Variants in SHISA9 observed in about 807,000 individuals in gnomAD.
The protein encoded by SHISA9 is protein shisa-9.
SHISA9 carries 13 observed loss-of-function variants against 38.0 expected under a neutral mutation model. That is an observed-to-expected ratio of 0.34 (90% CI 0.22 to 0.54). The LOEUF (loss-of-function observed/expected upper bound fraction) is 0.54. Among genes scored for constraint, SHISA9 ranks in the 20% least tolerant of loss-of-function variants. The pLI, the probability that SHISA9 is intolerant of heterozygous loss-of-function variation, is 0.91. For missense variants in SHISA9, 538 were observed against 575.8 expected, an observed-to-expected ratio of 0.93 and a Z score of 0.67; for synonymous variants, 275 against 242.0, an observed-to-expected ratio of 1.14 and a Z score of -1.27.
chr16:13,544,627 G>A, the SHISA9 span, among the ~76,000 whole-genome samples: 1 of 151,918 alleles, frequency 6.6e-6, no homozygotes, highest in Non-Finnish European at 1.5e-5. Flanking sequence ...ACCTTTTTAG[G>A]TGTGAGTTTG....
chr16:13,525,846 A>G, the SHISA9 span, among the ~76,000 whole-genome samples: 4 of 152,222 alleles, frequency 2.6e-5, no homozygotes, highest in Non-Finnish European at 5.9e-5. Context: ...GGAGATTTAG[A>G]TATTGCAAAG....
intron 2 of SHISA9, among the ~76,000 whole-genome samples, chr16:13,102,884 C>G (rs138390297): frequency 1.3e-5 from 2 of 152,208 alleles, no homozygotes; most frequent in Admixed American, 1.3e-4. Context: ...ATTGCTCACT[C>G]AACTTCCAGA....
At chr16:13,503,253 G>C in the SHISA9 span, among the ~76,000 whole-genome samples, 1 of 152,170 alleles carries the variant, frequency 6.6e-6, no homozygotes, top group Non-Finnish European at 1.5e-5. Flanking sequence ...CATGACACTA[G>C]TATAGCGATA....
At chr16:13,439,130 C>T in the SHISA9 span, among the ~76,000 whole-genome samples, 1 of 152,154 alleles carries the variant, frequency 6.6e-6, no homozygotes, top group Admixed American at 6.5e-5. Flanking sequence ...CTCATAGAAG[C>T]AGAGAGCTCA....
At chr16:13,232,897 A>C (rs2051345603) in intron 4 of SHISA9, among the ~76,000 whole-genome samples, 1 of 152,202 alleles carries the variant, frequency 6.6e-6, no homozygotes, top group East Asian at 1.9e-4. Flanking sequence ...AGACTTTTAA[A>C]AGGTGCTAGA....
At chr16:13,525,293 A>C in the SHISA9 span, among the ~76,000 whole-genome samples, 1 of 152,184 alleles carries the variant, frequency 6.6e-6, no homozygotes, top group East Asian at 1.9e-4. Context: ...GATAGTGTGA[A>C]TGAATCGGAT....
At chr16:13,544,436 T>TTTG in the SHISA9 span, among the ~76,000 whole-genome samples, 1 of 144,590 alleles carries the variant, frequency 6.9e-6, no homozygotes, top group Non-Finnish European at 1.5e-5. Flanking sequence ...CTTGTTTTTT[T>TTTG]TTTTTTTTTT....
intron 2 of SHISA9, among the ~76,000 whole-genome samples, chr16:12,973,277 A>T (rs921321545): frequency 2.0e-5 from 3 of 152,220 alleles, no homozygotes; most frequent in African/African-American, 7.2e-5. Flanking sequence ...TTCAAATGCT[A>T]ACAGGTTTCC....
chr16:13,001,242 T>G (rs1296373484), intron 2 of SHISA9, among the ~76,000 whole-genome samples: 1 of 152,212 alleles, frequency 6.6e-6, no homozygotes, highest in Non-Finnish European at 1.5e-5. Context: ...GACTTCTTTT[T>G]GAGATGCAAC....
At chr16:13,264,578 G>A in the SHISA9 span, among the ~76,000 whole-genome samples, 1 of 152,124 alleles carries the variant, frequency 6.6e-6, no homozygotes, top group Non-Finnish European at 1.5e-5. Flanking sequence ...CGCTTCAAAG[G>A]TTAACTTCTT....
At chr16:13,227,927 G>T (rs1406986854) in intron 4 of SHISA9, among the ~76,000 whole-genome samples, 1 of 152,186 alleles carries the variant, frequency 6.6e-6, no homozygotes, top group African/African-American at 2.4e-5. Flanking sequence ...TAGAGTAAGT[G>T]TTCAAACAAT....
rs56109043 is a variant in SHISA9, at chr16:13,106,966, T to TTCTC, written c.692-96394_692-96391dup. On this transcript the variant is annotated intron_variant, in intron 2 of 4. Transcript: ENST00000558583. ...ATCAATAAACTTGCTCTTTCTCACGTTCTCTCTCTCTCTCTCTCTCTCTCT... is the reference window on the plus strand; with the variant it reads ...ATCAATAAACTTGCTCTTTCTCACGTTCTCTCTCTCTCTCTCTCTCTCTCTCTCT... 2.2e-3 allele frequency among the ~76,000 whole-genome samples: 323 copies of TTCTC among 145,312 alleles called. 2 individuals are homozygous for TTCTC. The highest frequency in any genetic ancestry group is 0.013 in the South Asian group (60 of 4,468).
the SHISA9 span, among the ~76,000 whole-genome samples, chr16:13,300,064 T>C: frequency 6.6e-6 from 1 of 152,098 alleles, no homozygotes; most frequent in Non-Finnish European, 1.5e-5. Flanking sequence ...AGCCCAGCTG[T>C]TTTCTTCTTC....
intron 4 of SHISA9, among the ~76,000 whole-genome samples, chr16:13,216,525 T>C (rs1190042626): frequency 2.6e-5 from 4 of 152,250 alleles, no homozygotes; most frequent in Non-Finnish European, 5.9e-5. Flanking sequence ...GAACTCTTTT[T>C]AACCCACCAT....
chr16:13,149,751 C>T (rs1041320763), intron 2 of SHISA9, among the ~76,000 whole-genome samples: 5 of 151,338 alleles, frequency 3.3e-5, no homozygotes, highest in African/African-American at 7.3e-5. Context: ...ATGGTGATAC[C>T]CCGTCTCTAC....
At chr16:12,963,855 G>A (rs2071943547) in intron 2 of SHISA9, among the ~76,000 whole-genome samples, 1 of 152,202 alleles carries the variant, frequency 6.6e-6, no homozygotes, top group South Asian at 2.1e-4. Context: ...CAGGCAGAAG[G>A]CATTAAAGCA....
At chr16:13,334,646 C>T in the SHISA9 span, among the ~76,000 whole-genome samples, 9 of 151,544 alleles carry the variant, frequency 5.9e-5, no homozygotes, top group Admixed American at 1.3e-4. Context: ...TGGTGGCGGG[C>T]GCCTGTAATC....
At chr16:13,381,027 C>A in the SHISA9 span, among the ~76,000 whole-genome samples, 2 of 151,982 alleles carry the variant, frequency 1.3e-5, no homozygotes, top group African/African-American at 4.8e-5. Context: ...GCATAGTATT[C>A]CATGGTGTAT....
chr16:13,277,894 G>A, the SHISA9 span, among the ~76,000 whole-genome samples: 153 of 152,042 alleles, frequency 1.0e-3, 1 homozygote, highest in African/African-American at 3.5e-3. Flanking sequence ...TTACTGATTT[G>A]GATGCCCTTT....
Sources: allele counts gnomAD v4.1 joint callset (sites outside exome capture counted in the v4.1 genomes callset), GRCh38; gene constraint gnomAD v4.1.1; transcripts MANE v1.5; gene names NCBI Gene and HGNC (gene_info 2026-07-23, HGNC 2026-07-21).